The following BTBD9 variants were observed in gnomAD, a reference collection of about 807,000 sequenced individuals.
BTBD9 encodes BTB/POZ domain-containing protein 9.
A neutral mutation model predicts 64.3 loss-of-function variants in BTBD9; 49 were observed. That is an observed-to-expected ratio of 0.76 (90% CI 0.61 to 0.97). The LOEUF (loss-of-function observed/expected upper bound fraction) is 0.97. Among genes scored for constraint, BTBD9 ranks in the 50% least tolerant of loss-of-function variants. BTBD9 has a pLI of 0.00. For missense variants in BTBD9, 598 were observed against 762.1 expected (o/e 0.78, Z 2.53); for synonymous variants, 260 against 274.7 (o/e 0.95, Z 0.53).
intron 6 of BTBD9, among the ~76,000 whole-genome samples, chr6:38,495,003 T>C (rs1171836085): frequency 6.6e-6 from 1 of 152,224 alleles, no homozygotes; most frequent in African/African-American, 2.4e-5. Flanking sequence ...ATGAGGGAGT[T>C]TGCTATCAAA....
At chr6:38,179,426 G>A (rs777319916) in intron 10 of BTBD9, 13 of 456,690 alleles carry the variant, frequency 2.8e-5, no homozygotes, top group Admixed American at 4.7e-5. Context: ...GGACGGGGGC[G>A]GGCATACTGC....
chr6:38,328,564 CGTGTGTGTGTGTGTGTGTGTGT>C (rs201357884), intron 7 of BTBD9, among the ~76,000 whole-genome samples: 1 of 130,502 alleles, frequency 7.7e-6, no homozygotes, highest in South Asian at 2.8e-4. Flanking sequence ...TTTAAGCCAC[CGTGTGTGTGTGTGTGTGTGTGT>C]GTGTGTGTGT....
chr6:38,257,951 T>C (rs1322743458), intron 8 of BTBD9, among the ~76,000 whole-genome samples: 1 of 151,904 alleles, frequency 6.6e-6, no homozygotes, highest in Admixed American at 6.6e-5. Flanking sequence ...CTGTTCACTC[T>C]GTGTGTGTTA....
intron 9 of BTBD9, among the ~76,000 whole-genome samples, chr6:38,219,210 C>A (rs902182783): frequency 1.5e-4 from 21 of 143,556 alleles, no homozygotes; most frequent in Non-Finnish European, 2.2e-4. Flanking sequence ...GCTTGGCTCA[C>A]TGCCAGCTCC....
At chr6:38,320,174 C>T (rs1312691333) in intron 7 of BTBD9, among the ~76,000 whole-genome samples, 1 of 152,176 alleles carries the variant, frequency 6.6e-6, no homozygotes, top group African/African-American at 2.4e-5. Flanking sequence ...CAATTCAAGA[C>T]TGTCATTCCT....
chr6:38,461,415 T>C (rs879693325), intron 6 of BTBD9, among the ~76,000 whole-genome samples: 2 of 152,244 alleles, frequency 1.3e-5, no homozygotes, highest in Non-Finnish European at 2.9e-5. Flanking sequence ...AAATGAATCA[T>C]ACAGTATGTA....
chr6:38,499,298 G>A (rs1772093113), intron 6 of BTBD9, among the ~76,000 whole-genome samples: 1 of 152,140 alleles, frequency 6.6e-6, no homozygotes, highest in Admixed American at 6.5e-5. Flanking sequence ...AAATCACTCT[G>A]TGATCACATG....
intron 9 of BTBD9, among the ~76,000 whole-genome samples, chr6:38,195,067 GGGAAGTTGGTTAGGACAA>G (rs1245773922): frequency 6.6e-6 from 1 of 152,172 alleles, no homozygotes; most frequent in Non-Finnish European, 1.5e-5. Context: ...TCAGTAGTAA[GGGAAGTTGGTTAGGACAA>G]GGAAATGAGC....
intron 6 of BTBD9, among the ~76,000 whole-genome samples, chr6:38,443,497 A>G (rs1169960862): frequency 6.6e-6 from 1 of 152,124 alleles, no homozygotes; most frequent in Non-Finnish European, 1.5e-5. Flanking sequence ...ATTTCCCACT[A>G]TAAAGGGCAT....
chr6:38,358,529 A>AATAAAT (rs890587361), intron 6 of BTBD9, among the ~76,000 whole-genome samples: 36 of 152,298 alleles, frequency 2.4e-4, no homozygotes, highest in African/African-American at 8.7e-4. Flanking sequence ...AGGAAAAACA[A>AATAAAT]ATAAATACCT....
intron 6 of BTBD9, among the ~76,000 whole-genome samples, chr6:38,375,521 G>A (rs746103119): frequency 6.8e-4 from 104 of 152,164 alleles, no homozygotes; most frequent in Non-Finnish European, 1.2e-3. Flanking sequence ...AGACAGCTGA[G>A]TCTGGGAACA....
intron 10 of BTBD9, among the ~76,000 whole-genome samples, chr6:38,187,214 G>A (rs1197760710): frequency 6.6e-6 from 1 of 152,190 alleles, no homozygotes; most frequent in Non-Finnish European, 1.5e-5. Flanking sequence ...TGTTGACAAG[G>A]CCCAGTTTAT....
At chr6:38,447,366 G>A (rs895829064) in intron 6 of BTBD9, among the ~76,000 whole-genome samples, 1 of 152,158 alleles carries the variant, frequency 6.6e-6, no homozygotes, top group Non-Finnish European at 1.5e-5. Context: ...ATCACCTGAC[G>A]TAACAAGCAA....
chr6:38,595,547 GAGA>G (rs1297580094), intron 2 of BTBD9, among the ~76,000 whole-genome samples: 1 of 152,124 alleles, frequency 6.6e-6, no homozygotes, highest in African/African-American at 2.4e-5. Context: ...AGAAAAGGGA[GAGA>G]AGAATACAGA....
intron 7 of BTBD9, among the ~76,000 whole-genome samples, chr6:38,319,466 T>C (rs530505879): frequency 6.6e-6 from 1 of 152,092 alleles, no homozygotes; most frequent in Non-Finnish European, 1.5e-5. Flanking sequence ...TTACCACTGC[T>C]GATTATTCAG....
At chr6:38,443,048 T>A (rs1009172087) in intron 6 of BTBD9, among the ~76,000 whole-genome samples, 1 of 152,208 alleles carries the variant, frequency 6.6e-6, no homozygotes, top group Non-Finnish European at 1.5e-5. Flanking sequence ...CAGAATCATC[T>A]TAATTTCTGC....
chr6:38,466,564 G>T (rs1227095453), intron 6 of BTBD9, among the ~76,000 whole-genome samples: 1 of 151,796 alleles, frequency 6.6e-6, no homozygotes, highest in African/African-American at 2.4e-5. Context: ...AATTGCTAGG[G>T]ATTACAGGCA....
chr6:38,495,583 AT>A (rs1771917376), intron 6 of BTBD9, among the ~76,000 whole-genome samples: 1 of 152,224 alleles, frequency 6.6e-6, no homozygotes, highest in Non-Finnish European at 1.5e-5. Flanking sequence ...CAGAATTGGC[AT>A]TTGTTATGTG....
At chr6:38,250,771 G>A (rs1310295495) in intron 9 of BTBD9, among the ~76,000 whole-genome samples, 1 of 152,134 alleles carries the variant, frequency 6.6e-6, no homozygotes, top group African/African-American at 2.4e-5. Context: ...ATAACTGATG[G>A]ATTAAAAAAC....
Sources: allele counts gnomAD v4.1 joint callset (sites outside exome capture counted in the v4.1 genomes callset), GRCh38; gene constraint gnomAD v4.1.1; transcripts MANE v1.5; gene names NCBI Gene and HGNC (gene_info 2026-07-23, HGNC 2026-07-21).